The following NOX4 variants were observed in gnomAD, a reference collection of about 807,000 sequenced individuals.
The protein encoded by NOX4 is NADPH oxidase 4.
Under a neutral mutation model 87.6 loss-of-function variants are expected in NOX4, and 69 were observed. The observed-to-expected ratio is 0.79, with a 90% CI of 0.65 to 0.96. NOX4 has a LOEUF of 0.96. Ranked by LOEUF, NOX4 falls within the 40% of genes least tolerant of loss-of-function variation. NOX4 has a pLI of 0.00. For missense variants in NOX4, 680 were observed against 681.5 expected (o/e 1.00, Z 0.02); for synonymous variants, 275 against 238.2 (o/e 1.15, Z -1.42).
chr11:89,372,133 C>T (rs1939492323), intron 12 of NOX4, among the ~76,000 whole-genome samples: 6 of 151,832 alleles, frequency 4.0e-5, no homozygotes, highest in African/African-American at 1.4e-4. Context: ...ATGCTACCTT[C>T]TTAACTTGTA....
At chr11:89,455,632 A>G (rs1396744159) in intron 2 of NOX4, among the ~76,000 whole-genome samples, 1 of 151,776 alleles carries the variant, frequency 6.6e-6, no homozygotes, top group Non-Finnish European at 1.5e-5. Flanking sequence ...GTCCACCAAT[A>G]ACTTTAAATT....
intron 11 of NOX4, among the ~76,000 whole-genome samples, chr11:89,386,606 C>T (rs1940718041): frequency 6.6e-6 from 1 of 152,134 alleles, no homozygotes; most frequent in Non-Finnish European, 1.5e-5. Flanking sequence ...TCTAATCCTT[C>T]TTAAACAATT....
At chr11:89,369,548 T>A (rs990194407) in intron 12 of NOX4, among the ~76,000 whole-genome samples, 1 of 152,094 alleles carries the variant, frequency 6.6e-6, no homozygotes, top group African/African-American at 2.4e-5. Context: ...TTAAATATTA[T>A]CTTCCACAAA....
intron 11 of NOX4, among the ~76,000 whole-genome samples, chr11:89,383,579 C>T: frequency 6.6e-6 from 1 of 152,166 alleles, no homozygotes; most frequent in East Asian, 1.9e-4. Flanking sequence ...CTCCACATTA[C>T]CTTCTTTTCA....
At chr11:89,369,913 A>G (rs1244406799) in intron 12 of NOX4, among the ~76,000 whole-genome samples, 1 of 151,180 alleles carries the variant, frequency 6.6e-6, no homozygotes, top group Non-Finnish European at 1.5e-5. Context: ...CTGACTTACA[A>G]GGAGTTTCCA....
At chr11:89,422,836 G>T (rs1272187856) in intron 7 of NOX4, among the ~76,000 whole-genome samples, 3 of 120,302 alleles carry the variant, frequency 2.5e-5, no homozygotes, top group Non-Finnish European at 4.8e-5. Context: ...GTCTTGCTCT[G>T]TCGCCTAGGC....
intron 4 of NOX4, 152 bp from the exon 5 acceptor site, chr11:89,444,384 A>G (rs1944591675): frequency 3.0e-6 from 2 of 673,436 alleles, no homozygotes; most frequent in Non-Finnish European, 5.0e-6. Flanking sequence ...AGTTTTAAAG[A>G]CACAAAAAAC....
the NOX4 span, among the ~76,000 whole-genome samples, chr11:89,588,486 C>T: frequency 6.6e-6 from 1 of 151,958 alleles, no homozygotes; most frequent in East Asian, 1.9e-4. Context: ...CATAAGTTTC[C>T]CTTGAAACCA....
the NOX4 span, among the ~76,000 whole-genome samples, chr11:89,552,858 T>A: frequency 2.6e-5 from 4 of 152,282 alleles, no homozygotes; most frequent in South Asian, 8.3e-4. Flanking sequence ...AGAGCGGAAT[T>A]CTCAAGACTC....
chr11:89,418,836 CTTTAAAA>C (rs1942935422), intron 8 of NOX4, among the ~76,000 whole-genome samples: 1 of 151,770 alleles, frequency 6.6e-6, no homozygotes, highest in Admixed American at 6.6e-5. Flanking sequence ...TTTCAGCTTC[CTTTAAAA>C]TTTAAGATTC....
the NOX4 span, among the ~76,000 whole-genome samples, chr11:89,574,644 A>G: frequency 6.6e-6 from 1 of 152,188 alleles, no homozygotes; most frequent in Admixed American, 6.5e-5. Context: ...ATCTCTAAGA[A>G]TTATCTTATT....
chr11:89,330,186 A>G (rs1477079652), intron 17 of NOX4, among the ~76,000 whole-genome samples: 1 of 151,966 alleles, frequency 6.6e-6, no homozygotes, highest in South Asian at 2.1e-4. Flanking sequence ...CATTCCTACA[A>G]AAAATTTTAA....
intron 2 of NOX4, among the ~76,000 whole-genome samples, chr11:89,489,935 C>T (rs1367420500): frequency 6.6e-6 from 1 of 152,092 alleles, no homozygotes; most frequent in Non-Finnish European, 1.5e-5. Context: ...GTATCTTTCT[C>T]ATATTATAGT....
At chr11:89,587,152 GAAGA>G in the NOX4 span, among the ~76,000 whole-genome samples, 1 of 152,050 alleles carries the variant, frequency 6.6e-6, no homozygotes, top group African/African-American at 2.4e-5. Context: ...TGGGGTCAGA[GAAGA>G]AAGAATGAAT....
chr11:89,493,821 C>T (rs1197043636), upstream of NOX4, among the ~76,000 whole-genome samples: 1 of 151,588 alleles, frequency 6.6e-6, no homozygotes, highest in African/African-American at 2.4e-5. Context: ...GTAATCTCGG[C>T]TGACTGTAAC....
At chr11:89,364,940 TA>T (rs1455759694) in intron 12 of NOX4, among the ~76,000 whole-genome samples, 1 of 152,038 alleles carries the variant, frequency 6.6e-6, no homozygotes, top group African/African-American at 2.4e-5. Flanking sequence ...CAAAGATACT[TA>T]AAGAAAAGAC....
chr11:89,549,553 C>T, the NOX4 span, among the ~76,000 whole-genome samples: 3 of 152,146 alleles, frequency 2.0e-5, no homozygotes, highest in Non-Finnish European at 2.9e-5. Context: ...AGGTTTGTTA[C>T]ATAGGTATAC....
chr11:89,582,758 A>C, the NOX4 span, among the ~76,000 whole-genome samples: 1 of 152,196 alleles, frequency 6.6e-6, no homozygotes, highest in Non-Finnish European at 1.5e-5. Context: ...ACCTGCTGAC[A>C]GGTGTCCTTC....
intron 2 of NOX4, among the ~76,000 whole-genome samples, chr11:89,477,563 T>G (rs1011807388): frequency 2.6e-5 from 4 of 152,000 alleles, no homozygotes; most frequent in Admixed American, 2.0e-4. Context: ...ATTGATAAAT[T>G]AATGAATGAA....
Sources: gnomAD v4.1 joint callset for allele counts (sites outside exome capture counted in the v4.1 genomes callset) on GRCh38, gnomAD v4.1.1 for gene constraint, MANE v1.5 for transcripts, NCBI Gene and HGNC (gene_info 2026-07-23, HGNC 2026-07-21) for gene names.